The following GLCE variants were observed in gnomAD, a reference collection of about 807,000 sequenced individuals.
The protein encoded by GLCE is D-glucuronyl C5-epimerase.
A neutral mutation model predicts 47.9 loss-of-function variants in GLCE; 19 were observed. That is an observed-to-expected ratio of 0.40 (90% CI 0.28 to 0.58). The LOEUF is 0.58. GLCE is among the 20% of genes least tolerant of loss of function. The pLI, the probability that GLCE is intolerant of heterozygous loss-of-function variation, is 0.48. For missense variants in GLCE, 556 were observed against 743.3 expected, an observed-to-expected ratio of 0.75 and a Z score of 2.93; for synonymous variants, 245 against 263.4, an observed-to-expected ratio of 0.93 and a Z score of 0.68.
rs1315834041 is a variant in GLCE at position 69,268,812 on chromosome 15, A to G, written c.1422A>G (p.Thr474=). The change falls in exon 5 of 5, where the codon ACA becomes ACG. Residue 474 remains threonine, a synonymous_variant. Transcript: ENST00000261858. The stretch of plus-strand genomic sequence containing the variant: ...TCCTCAATTCAGCTTTAAGGGCAAC[A>G]GCCCCTTATAAGTTTCTATCTGAGC... ...HIFLNSALRA[T]APYKFLSEQH... The G allele has an allele frequency of 4.3e-6, 7 of 1,613,898 alleles. No individual in the cohort carries two copies. The highest frequency in any genetic ancestry group is 2.2e-5 in the East Asian group (1 of 44,892).
At position 69,199,734 on chromosome 15, in the gene GLCE, C is replaced by CTG. The variant is rs569192507; in HGVS notation, c.-104-10581_-104-10580dup. 3.6e-3 allele frequency among the ~76,000 whole-genome samples: 541 copies of CTG among 152,320 alleles called. 3 individuals carry two copies. Among genetic ancestry groups the CTG allele is most frequent in the South Asian group, 0.017 (84 of 4,832 alleles). ...GCACTGTACCATGCCTTAAACCATACTGGAGCCACTTGGGGAGTTTAAAAA... is the reference window on the plus strand; with the variant it reads ...GCACTGTACCATGCCTTAAACCATACTGTGGAGCCACTTGGGGAGTTTAAAAA... On this transcript the variant is annotated intron_variant, in intron 1 of 4. Coordinates refer to ENST00000261858, the MANE Select transcript of GLCE (RefSeq NM_015554.3).
intron 1 of GLCE, among the ~76,000 whole-genome samples, chr15:69,192,126 G>A (rs1233005034): frequency 2.6e-5 from 4 of 151,992 alleles, no homozygotes; most frequent in African/African-American, 9.7e-5. Context: ...GGAAATTTCT[G>A]TAGCTATTTT....
At chr15:69,197,094 A>G in intron 1 of GLCE, 1 of 331,934 alleles carries the variant, frequency 3.0e-6, no homozygotes, top group Non-Finnish European at 6.0e-6. Flanking sequence ...ATGCATGGAA[A>G]GCTGCAACGC....
chr15:69,241,500 C>G (rs1180055354), intron 2 of GLCE, among the ~76,000 whole-genome samples: 1 of 152,176 alleles, frequency 6.6e-6, no homozygotes. Context: ...CAAGAGTTAA[C>G]TAAAGTCATT....
chr15:69,266,396 A>G (rs1345838892), intron 4 of GLCE, among the ~76,000 whole-genome samples: 1 of 151,988 alleles, frequency 6.6e-6, no homozygotes, highest in Admixed American at 6.6e-5. Context: ...GTGTGATCAT[A>G]GCTTACTTCA....
intron 1 of GLCE, among the ~76,000 whole-genome samples, chr15:69,183,594 T>C (rs2051780888): frequency 1.3e-5 from 2 of 152,212 alleles, no homozygotes; most frequent in South Asian, 2.1e-4. Context: ...ATCAATGCTA[T>C]TTCTGTAAAC....
intron 1 of GLCE, among the ~76,000 whole-genome samples, chr15:69,205,431 C>A (rs943855443): frequency 1.3e-4 from 20 of 152,026 alleles, no homozygotes; most frequent in Non-Finnish European, 2.4e-4. Flanking sequence ...CAGTTTTTAG[C>A]TATTTTGAAT....
At chr15:69,249,960 T>TA (rs1451608587) in intron 2 of GLCE, among the ~76,000 whole-genome samples, 8 of 152,238 alleles carry the variant, frequency 5.3e-5, no homozygotes, top group Non-Finnish European at 5.9e-5. Context: ...TTATGATGCT[T>TA]ACTGCATGAC....
chr15:69,187,219 C>T (rs2051836402), intron 1 of GLCE, among the ~76,000 whole-genome samples: 1 of 152,056 alleles, frequency 6.6e-6, no homozygotes, highest in East Asian at 1.9e-4. Context: ...GAGCTAGTCA[C>T]TGTTATCTGT....
chr15:69,189,423 G>A (rs1421870192), intron 1 of GLCE, among the ~76,000 whole-genome samples: 4 of 152,106 alleles, frequency 2.6e-5, no homozygotes, highest in Non-Finnish European at 4.4e-5. Context: ...GATGTGCCAC[G>A]GTTTATTTAT....
chr15:69,213,050 G>A (rs1202112694), intron 2 of GLCE, among the ~76,000 whole-genome samples: 2 of 151,900 alleles, frequency 1.3e-5, no homozygotes, highest in Non-Finnish European at 1.5e-5. Flanking sequence ...GAAGAATAAC[G>A]TCTCTTTTTC....
intron 4 of GLCE, among the ~76,000 whole-genome samples, chr15:69,267,073 C>T (rs2053097120): frequency 6.6e-6 from 1 of 152,214 alleles, no homozygotes; most frequent in African/African-American, 2.4e-5. Flanking sequence ...GCTGCTGCTA[C>T]TGCTATTTTA....
intron 1 of GLCE, among the ~76,000 whole-genome samples, chr15:69,194,058 C>A (rs1191429261): frequency 6.6e-6 from 1 of 152,070 alleles, no homozygotes; most frequent in Non-Finnish European, 1.5e-5. Context: ...TCCCACAAAG[C>A]CAAAACCATG....
chr15:69,196,111 G>C (rs1184430657), intron 1 of GLCE, among the ~76,000 whole-genome samples: 1 of 152,246 alleles, frequency 6.6e-6, no homozygotes, highest in South Asian at 2.1e-4. Context: ...CAAGGAATCT[G>C]TACAGATATC....
chr15:69,226,020 A>AC (rs1346133985), intron 2 of GLCE, among the ~76,000 whole-genome samples: 1 of 150,696 alleles, frequency 6.6e-6, no homozygotes, highest in Non-Finnish European at 1.5e-5. Context: ...CCTCCTCTAA[A>AC]CACATACACG....
In GLCE at chr15:69,166,908, C is replaced by CAA. The variant is rs34522584; in HGVS notation, c.-105+6175_-105+6176dup. Among the ~76,000 whole-genome samples, 259 of 42,430 alleles carry CAA rather than the reference C, an allele frequency of 6.1e-3. 8 individuals are homozygous for CAA. The highest frequency in any genetic ancestry group is 0.023 in the African/African-American group (237 of 10,512). 27.8% of individuals were successfully genotyped at this position (42,430 alleles called of 152,430 possible). ...TGGCCGACAGACCTAGACTCTGTCT[C>CAA]AAAAAAAAAAAAAAAAAAAAAAAAA... On this transcript the variant is annotated intron_variant, in intron 1 of 4. Transcript: ENST00000261858.
intron 1 of GLCE, among the ~76,000 whole-genome samples, chr15:69,161,708 G>A (rs1466187638): frequency 6.6e-6 from 1 of 152,226 alleles, no homozygotes; most frequent in African/African-American, 2.4e-5. Context: ...CCTAGTTGAA[G>A]AAGCAGTGCG....
At chr15:69,197,878 T>C (rs536491622) in intron 1 of GLCE, among the ~76,000 whole-genome samples, 1 of 152,264 alleles carries the variant, frequency 6.6e-6, no homozygotes, top group Admixed American at 6.5e-5. Context: ...ACAGGAATAA[T>C]CCAGTAGAGA....
At chr15:69,179,936 G>C (rs2051727590) in intron 1 of GLCE, among the ~76,000 whole-genome samples, 1 of 152,202 alleles carries the variant, frequency 6.6e-6, no homozygotes, top group East Asian at 1.9e-4. Flanking sequence ...GCAGTGAGCT[G>C]TGAATGCGCC....
Sources: gnomAD v4.1 joint callset for allele counts (sites outside exome capture counted in the v4.1 genomes callset) on GRCh38, gnomAD v4.1.1 for gene constraint, MANE v1.5 for transcripts, NCBI Gene and HGNC (gene_info 2026-07-23, HGNC 2026-07-21) for gene names.